The following PIAS4 variants were observed in gnomAD, a reference collection of about 807,000 sequenced individuals.
PIAS4 encodes protein inhibitor of activated STAT 4.
A neutral mutation model predicts 58.0 loss-of-function variants in PIAS4; 7 were observed. That is an observed-to-expected ratio of 0.12 (90% CI 0.07 to 0.23). PIAS4 has a LOEUF of 0.23. PIAS4 is among the 10% of genes least tolerant of loss of function. PIAS4 has a pLI of 1.00. For synonymous variants in PIAS4, 364 were observed against 312.4 expected, an observed-to-expected ratio of 1.17 and a Z score of -1.74; for missense variants, 550 against 709.5, an observed-to-expected ratio of 0.78 and a Z score of 2.55.
intron 1 of PIAS4, among the ~76,000 whole-genome samples, chr19:4,011,875 T>TGGGGTGTGGAGGTGTGG: frequency 9.9e-6 from 1 of 101,130 alleles, no homozygotes; most frequent in Non-Finnish European, 2.0e-5. Context: ...TGTGGAGCTG[T>TGGGGTGTGGAGGTGTGG]GGGGTGTGGA....
At chr19:4,033,630 G>T (rs987322746) in intron 9 of PIAS4, 50 bp downstream of exon 9, 12 of 1,470,068 alleles carry the variant, frequency 8.2e-6, no homozygotes, top group Non-Finnish European at 1.1e-5. Context: ...ATCCGTGGAG[G>T]TCTCGGTGGC....
chr19:4,025,663 G>A (rs1013780890), intron 3 of PIAS4, among the ~76,000 whole-genome samples: 8 of 40,256 alleles, frequency 2.0e-4, no homozygotes, highest in African/African-American at 5.0e-4. Context: ...GTGACCCAAG[G>A]TGGCGACCTC....
At position 4,037,876 on chromosome 19, in the gene PIAS4, C is replaced by A; in HGVS notation, c.*1C>A. On this transcript the variant is annotated 3_prime_UTR_variant, in exon 11 of 11. Coordinates refer to ENST00000262971, the MANE Select transcript of PIAS4 (RefSeq NM_015897.4). The surrounding 1 kb of genome is among the most constrained non-coding windows in gnomAD (Gnocchi z 5.8). The stretch of plus-strand genomic sequence containing the variant: ...GAAGGGCCTGGTGCCGGCCTGCTGA[C>A]CCCGGCCGCACACTCGACTTTCCTG... 6.4e-7 allele frequency: 1 copy of A among 1,566,338 alleles called. No individual in the cohort carries two copies. The highest frequency in any genetic ancestry group is 8.6e-7 in the Non-Finnish European group (1 of 1,160,556).
intron 9 of PIAS4, among the ~76,000 whole-genome samples, chr19:4,034,189 C>A (rs960584316): frequency 6.6e-6 from 1 of 152,176 alleles, no homozygotes; most frequent in African/African-American, 2.4e-5. Context: ...GCGCCCACCT[C>A]GTCCCCAGAG....
rs112923783 is a variant in PIAS4 at position 4,018,054 on chromosome 19, C to T, written c.454+4705C>T. ...CTTGAATTCCTAACCTCAAGTGATC[C>T]ACCTGCCTCGGCCTCCCAAAGTGCT... On this transcript the variant is annotated intron_variant, in intron 2 of 10. Coordinates refer to ENST00000262971, the MANE Select transcript of PIAS4 (RefSeq NM_015897.4). Among the ~76,000 whole-genome samples the T allele has an allele frequency of 3.5e-4, 53 of 152,348 alleles. 1 individual carries two copies. Among genetic ancestry groups the T allele is most frequent in the African/African-American group, 1.2e-3 (51 of 41,592 alleles).
At position 4,027,021 on chromosome 19, in the gene PIAS4, T is replaced by TG. The variant is rs1246441166; in HGVS notation, c.540-1125_540-1124insG. 2.5e-4 allele frequency among the ~76,000 whole-genome samples: 38 copies of TG among 151,102 alleles called. No individual in the cohort carries two copies. In the East Asian group the frequency reaches 5.5e-3, roughly 22 times the overall value. On this transcript the variant is annotated intron_variant, in intron 3 of 10. Transcript: ENST00000262971. ...CGCCACCACGCCTGGCTGATTTTTT[T>TG]TTTTGTATTTTTAGTAGAGACGGGG...
At position 4,037,460 on chromosome 19, in the gene PIAS4, A is replaced by T. The variant is rs1487993769; in HGVS notation, c.1229A>T (p.Glu410Val). ...VDGSWCPIRA[E>V]KERSCSPQGA... The stretch of plus-strand genomic sequence containing the variant: ...GGCTCGTGGTGCCCGATCCGCGCCG[A>T]AAAGGAGCGCAGCTGCAGCCCGCAG... The change falls in exon 10 of 11, where the codon GAA becomes GTA. Residue 410 changes from glutamate to valine, a missense_variant. Physicochemically the swap from Glu to Val is moderately radical, Grantham distance 121. This residue lies in a region of PIAS4 where 188 missense variants were observed against 192.0 expected (regional missense o/e 0.98). Transcript: ENST00000262971. This position sits in a 1 kb window ranked among gnomAD's most constrained non-coding sequence, Gnocchi z 5.8. 1 of 1,611,408 alleles carries T rather than the reference A, an allele frequency of 6.2e-7. No individual in the cohort carries two copies. The highest frequency in any genetic ancestry group is 1.3e-5 in the African/African-American group (1 of 74,944).
chr19:4,033,164 C>A lies in PIAS4; in HGVS notation c.972C>A (p.Leu324=), dbSNP rs770181382. The change falls in exon 8 of 11, where the codon CTC becomes CTA. Residue 324 remains leucine, a synonymous_variant. Coordinates refer to ENST00000262971, the MANE Select transcript of PIAS4 (RefSeq NM_015897.4). ...EIATTGVRVS[L]ICPLVKMRLS... Reference sequence around the variant, plus strand: ...CCACCACCGGTGTGCGGGTGTCCCTCATCTGTCCGGTGAGTCGGGGCGCGG... The same window carrying A: ...CCACCACCGGTGTGCGGGTGTCCCTAATCTGTCCGGTGAGTCGGGGCGCGG... The A allele has an allele frequency of 6.2e-7, 1 of 1,610,076 alleles. No individual in the cohort carries two copies. Among genetic ancestry groups the A allele is most frequent in the Non-Finnish European group, 8.5e-7 (1 of 1,179,506 alleles).
Position 4,038,115 on chromosome 19 carries a change from CTTAAAAA to C in PIAS4, c.*241_*247del, listed in dbSNP as rs2040321868. ...AAAAATGAAACAAAAAAGTCAAACT[CTTAAAAA>C]CAAGGCCGGCCACCCACACAGCCGC... On this transcript the variant is annotated 3_prime_UTR_variant, in exon 11 of 11. Coordinates refer to ENST00000262971, the MANE Select transcript of PIAS4 (RefSeq NM_015897.4). The surrounding 1 kb of genome is among the most constrained non-coding windows in gnomAD (Gnocchi z 4.1). 2.0e-6 allele frequency: 1 copy of C among 511,436 alleles called. No homozygotes were observed. Among genetic ancestry groups the C allele is most frequent in the Non-Finnish European group, 3.4e-6 (1 of 296,482 alleles). 31.7% of individuals were successfully genotyped at this position (511,436 alleles called of 1,614,324 possible).
intron 2 of PIAS4, chr19:4,018,835 G>A (rs1341508999): frequency 6.6e-6 from 1 of 152,298 alleles, no homozygotes; most frequent in Admixed American, 6.5e-5. Flanking sequence ...CAAATATAGG[G>A]CCATGAGGCT....
rs182902984 is a variant in PIAS4, at chr19:4,029,696, A to G, written c.907+660A>G. Among the ~76,000 whole-genome samples the G allele has an allele frequency of 4.1e-3, 617 of 151,402 alleles. 6 individuals carry two copies. The highest frequency in any genetic ancestry group is 0.014 in the African/African-American group (589 of 41,276). ...TGTCTCGGTGTATCGCCCAGGCTAC[A>G]GTGCAGTGGTGGGATCGTGGCTCAC... is the stretch of plus-strand genomic sequence containing the variant. On this transcript the variant is annotated intron_variant, in intron 7 of 10. Coordinates refer to ENST00000262971, the MANE Select transcript of PIAS4 (RefSeq NM_015897.4).
chr19:4,009,229 G>A (rs991298571), intron 1 of PIAS4, among the ~76,000 whole-genome samples: 3 of 151,986 alleles, frequency 2.0e-5, no homozygotes, highest in Non-Finnish European at 4.4e-5. Context: ...CCTGGGATCT[G>A]AAAACACAGC....
chr19:4,013,429 G>T lies in PIAS4; in HGVS notation c.454+80G>T, dbSNP rs539327506. On this transcript the variant is annotated intron_variant, in intron 2 of 10. Coordinates refer to ENST00000262971, the MANE Select transcript of PIAS4 (RefSeq NM_015897.4). The surrounding 1 kb of genome is among the most constrained non-coding windows in gnomAD (Gnocchi z 5.1). ...CCCAGCCCAGCCCAGCCACACAGCCGACTTCGAGTGATGTTCTCTGTGGCG... is the reference window on the plus strand; with the variant it reads ...CCCAGCCCAGCCCAGCCACACAGCCTACTTCGAGTGATGTTCTCTGTGGCG... 9 of 1,265,252 alleles carry T rather than the reference G, an allele frequency of 7.1e-6. No individual in the cohort carries two copies. Among genetic ancestry groups the T allele is most frequent in the South Asian group, 1.3e-5 (1 of 74,468 alleles). 78.4% of individuals were successfully genotyped at this position (1,265,252 alleles called of 1,614,324 possible).
chr19:4,024,757 T>C (rs1248401503), intron 3 of PIAS4, among the ~76,000 whole-genome samples: 1 of 22,764 alleles, frequency 4.4e-5, no homozygotes, highest in African/African-American at 1.3e-4. Flanking sequence ...GTCAGGTGTT[T>C]TTTTGTTTTT....
At chr19:4,029,857 CTG>C (rs2040206189) in intron 7 of PIAS4, among the ~76,000 whole-genome samples, 1 of 114,806 alleles carries the variant, frequency 8.7e-6, no homozygotes, top group South Asian at 3.2e-4. Flanking sequence ...GAGTCTCACT[CTG>C]TTGCCCAGGC....
rs968786696 is a variant in PIAS4 at position 4,037,498 on chromosome 19, G to A, written c.1267G>A (p.Val423Met). ...RSCSPQGAIL[V>M]LGPSDANGLL... ...CTGCAGCCCGCAGGGCGCCATCCTC[G>A]TGCTGGGTGAGTGCCTCACCCCACC... is the stretch of plus-strand genomic sequence containing the variant. The change falls in exon 10 of 11, where the codon GTG becomes ATG. Residue 423 changes from valine (V) to methionine (M), a missense_variant. Around this residue, in one of 4 missense-constraint regions of PIAS4, gnomAD observed 188 missense variants for 192.0 expected, o/e 0.98. Transcript: ENST00000262971. This position sits in a 1 kb window ranked among gnomAD's most constrained non-coding sequence, Gnocchi z 5.8. The A allele has an allele frequency of 3.7e-6, 6 of 1,610,096 alleles. No homozygotes were observed. Among genetic ancestry groups the A allele is most frequent in the South Asian group, 2.2e-5 (2 of 91,032 alleles).
rs187225223 is a variant in PIAS4, at chr19:4,024,892, A to G, written c.539+772A>G. ...GCAATTCTCCTGCCTCAGCCTCCCA[A>G]GTAGCTGGGATTACAGGCGCTCACT... On this transcript the variant is annotated intron_variant, in intron 3 of 10. Transcript: ENST00000262971. Among the ~76,000 whole-genome samples, 853 of 151,936 alleles carry G rather than the reference A, an allele frequency of 5.6e-3. 42 individuals carry two copies. The East Asian group carries it at 0.12, about 21-fold the overall frequency.
At chr19:4,024,165 C>G (rs775514421) in intron 3 of PIAS4, 45 bp downstream of exon 3, 1 of 1,414,884 alleles carries the variant, frequency 7.1e-7, no homozygotes, top group Admixed American at 1.7e-5. Flanking sequence ...GCCCGCCCAC[C>G]CACTTTCTCC....
chr19:4,027,490 C>A (rs2040177754), intron 3 of PIAS4, among the ~76,000 whole-genome samples: 1 of 150,882 alleles, frequency 6.6e-6, no homozygotes, highest in Admixed American at 6.6e-5. Flanking sequence ...ACGGATGCGT[C>A]TTTGGGTAGA....
Sources: gnomAD v4.1 joint callset for allele counts (sites outside exome capture counted in the v4.1 genomes callset) on GRCh38, gnomAD v4.1.1 for gene constraint, gnomAD v4.1.1 regional missense constraint, Gnocchi (gnomAD v3.1) non-coding constraint, MANE v1.5 for transcripts, NCBI Gene and HGNC (gene_info 2026-07-23, HGNC 2026-07-21) for gene names.